The following HEMGN variants were observed in gnomAD, a reference collection of about 807,000 sequenced individuals.
The protein encoded by HEMGN is hemogen.
A neutral mutation model predicts 45.7 loss-of-function variants in HEMGN; 32 were observed. That is an observed-to-expected ratio of 0.70 (90% CI 0.53 to 0.94). The LOEUF is 0.94. Among genes scored for constraint, HEMGN ranks in the 40% least tolerant of loss-of-function variants. The probability of loss-of-function intolerance (pLI) is 0.00; values close to 1 mark genes in which losing one functional copy is unlikely to be tolerated. For missense variants in HEMGN, 530 were observed against 564.2 expected, an observed-to-expected ratio of 0.94 and a Z score of 0.61; for synonymous variants, 183 against 178.6, an observed-to-expected ratio of 1.02 and a Z score of -0.20.
In HEMGN at chr9:97,930,627, G is replaced by A; in HGVS notation, c.768C>T (p.Cys256=). The A allele has an allele frequency of 6.2e-7, 1 of 1,614,130 alleles. No homozygotes were observed. Among genetic ancestry groups the A allele is most frequent in the Middle Eastern group, 1.6e-4 (1 of 6,062 alleles). ...TSEDTADLAG[C]SLQAYPKPDV... ...CTGGTTTTGGATATGCTTGAAGAGAGCATCCTGCCAGATCAGCTGTGTCTT... is the reference window on the plus strand; with the variant it reads ...CTGGTTTTGGATATGCTTGAAGAGAACATCCTGCCAGATCAGCTGTGTCTT... Residue 256 remains cysteine, a synonymous_variant, in exon 3 of 4, where the codon TGC becomes TGT. Coordinates refer to ENST00000616898, the MANE Select transcript of HEMGN (RefSeq NM_197978.3).
upstream of HEMGN, among the ~76,000 whole-genome samples, chr9:97,942,984 T>C (rs1827174265): frequency 6.6e-6 from 1 of 152,166 alleles, no homozygotes; most frequent in Non-Finnish European, 1.5e-5. Context: ...GTGAAGACCA[T>C]ATTATATGAA....
chr9:97,940,697 CT>C (rs369431723), upstream of HEMGN, among the ~76,000 whole-genome samples: 392 of 152,290 alleles, frequency 2.6e-3, 12 homozygotes, highest in South Asian at 0.078. Context: ...CTGCCTTGTT[CT>C]AGAGTTATTT....
At position 97,930,173 on chromosome 9, in the gene HEMGN, G is replaced by A. The variant is rs1334999361; in HGVS notation, c.1222C>T (p.Leu408Phe). 2 of 1,614,090 alleles carry A rather than the reference G, an allele frequency of 1.2e-6. No individual in the cohort carries two copies. The highest frequency in any genetic ancestry group is 1.7e-6 in the Non-Finnish European group (2 of 1,180,000). Reference sequence around the variant, plus strand: ...TTATTTTTATATGTCTCAGTAGAGAGGTCTTCAGGCCCCGGTGTTTCTTGG... The same window carrying A: ...TTATTTTTATATGTCTCAGTAGAGAAGTCTTCAGGCCCCGGTGTTTCTTGG... ...IYQETPGPED[L>F]STETYKNKDV... The change falls in exon 3 of 4, where the codon CTC (leucine) becomes TTC (phenylalanine). Residue 408 changes from leucine (L) to phenylalanine (F), a missense_variant. Leu to Phe is a conservative substitution (Grantham distance 22). Coordinates refer to ENST00000616898, the MANE Select transcript of HEMGN (RefSeq NM_197978.3).
chr9:97,944,415 G>A (rs890126561), intron 1 of HEMGN, among the ~76,000 whole-genome samples: 1 of 152,124 alleles, frequency 6.6e-6, no homozygotes, highest in Non-Finnish European at 1.5e-5. Flanking sequence ...AGTTCTGCCA[G>A]TTCTTTCTTC....
At chr9:97,944,127 T>C (rs1023658670) in intron 1 of HEMGN, among the ~76,000 whole-genome samples, 3 of 152,234 alleles carry the variant, frequency 2.0e-5, no homozygotes, top group Non-Finnish European at 2.9e-5. Context: ...TATATACTTT[T>C]AGCTACTACC....
chr9:97,936,526 A>G (rs1827064013), intron 1 of HEMGN, among the ~76,000 whole-genome samples: 1 of 152,214 alleles, frequency 6.6e-6, no homozygotes, highest in Admixed American at 6.5e-5. Context: ...AATTTCTTCA[A>G]AGTAATTTTA....
rs761855887 is a variant in HEMGN at position 97,927,489 on chromosome 9, A to C, written c.1361-11T>G. ...GTTTTTCTTTCATTTCTGTAAAATC[A>C]AATAAAATAAAAAATAGATTCAATA... On this transcript the variant is annotated splice_polypyrimidine_tract_variant and intron_variant, in intron 3 of 3. Coordinates refer to ENST00000616898, the MANE Select transcript of HEMGN (RefSeq NM_197978.3). 3.9e-6 allele frequency: 6 copies of C among 1,526,942 alleles called. No homozygotes were observed. The East Asian group carries it at 1.4e-4, about 34-fold the overall frequency. 94.6% of individuals were successfully genotyped at this position (1,526,942 alleles called of 1,614,324 possible).
upstream of HEMGN, among the ~76,000 whole-genome samples, chr9:97,941,072 A>G (rs1443032188): frequency 1.3e-5 from 2 of 152,180 alleles, no homozygotes; most frequent in African/African-American, 4.8e-5. Flanking sequence ...AAGGAAATAA[A>G]TAAAATATAT....
chr9:97,938,212 C>A, upstream of HEMGN: 2 of 902,540 alleles, frequency 2.2e-6, no homozygotes, highest in South Asian at 1.4e-5. Context: ...ATATCAAAAA[C>A]ATCTAACACT....
chr9:97,932,638 T>C (rs1382559805), intron 2 of HEMGN, among the ~76,000 whole-genome samples: 1 of 152,014 alleles, frequency 6.6e-6, no homozygotes, highest in African/African-American at 2.4e-5. Flanking sequence ...ACCCCGTCTC[T>C]ACTAAAAATA....
chr9:97,937,975 T>G (rs78039608), intron 1 of HEMGN, 83 bp downstream of exon 1: 1 of 665,316 alleles, frequency 1.5e-6, no homozygotes, highest in Non-Finnish European at 2.5e-6. Context: ...TTTTTTTTTT[T>G]GGCCAGATCC....
intron 2 of HEMGN, among the ~76,000 whole-genome samples, chr9:97,932,152 C>G (rs957820602): frequency 6.6e-6 from 1 of 152,172 alleles, no homozygotes; most frequent in Non-Finnish European, 1.5e-5. Flanking sequence ...ATTGGGTGTA[C>G]CATGCTAAAG....
Position 97,936,138 on chromosome 9 carries a change from A to G in HEMGN, c.173+33T>C, listed in dbSNP as rs952878463. 4 of 1,342,178 alleles carry G rather than the reference A, an allele frequency of 3.0e-6. No homozygotes were observed. In the African/African-American group the frequency reaches 5.7e-5, roughly 19 times the overall value. 83.1% of individuals were successfully genotyped at this position (1,342,178 alleles called of 1,614,324 possible). A position where few individuals can be genotyped will look rare whatever the true frequency, so the allele number is the denominator to read the frequency against. Reference sequence around the variant, plus strand: ...TATGCATAACATCCTCAATAAATATATTAGTTCCCTTTCCCTTGTGATGCT... The same window carrying G: ...TATGCATAACATCCTCAATAAATATGTTAGTTCCCTTTCCCTTGTGATGCT... On this transcript the variant is annotated intron_variant, in intron 2 of 3. Transcript: ENST00000616898.
upstream of HEMGN, among the ~76,000 whole-genome samples, chr9:97,940,757 A>C (rs1163587618): frequency 1.3e-5 from 2 of 152,182 alleles, no homozygotes; most frequent in Non-Finnish European, 2.9e-5. Flanking sequence ...TAGAGAGCAG[A>C]TACAGCTCCT....
rs1484555914 is a variant in HEMGN, at chr9:97,929,127, T to C, written c.1360+908A>G. On this transcript the variant is annotated intron_variant, in intron 3 of 3. Transcript: ENST00000616898. ...TTGACCATATCGACCTTGCTGGGTT[T>C]AGAATGAAGCAGTTAGGAATCAGGA... 5.9e-5 allele frequency among the ~76,000 whole-genome samples: 9 copies of C among 152,216 alleles called. No individual in the cohort carries two copies. The East Asian group carries it at 1.5e-3, about 26-fold the overall frequency.
rs1826929399 is a variant in HEMGN at position 97,930,646 on chromosome 9, G to GT, written c.748dup (p.Thr250AsnfsTer3). On this transcript the variant is annotated frameshift_variant, in exon 3 of 4. Transcript: ENST00000616898. LOFTEE classifies it high-confidence loss of function. ...AAGAGAGCATCCTGCCAGATCAGCT[G>GT]TGTCTTCAGATGTTGGACAAGGAAG... 1 of 1,614,042 alleles carries GT rather than the reference G, an allele frequency of 6.2e-7. No individual in the cohort carries two copies. The highest frequency in any genetic ancestry group is 8.5e-7 in the Non-Finnish European group (1 of 1,180,006).
At chr9:97,935,900 A>G (rs1471865282) in intron 2 of HEMGN, among the ~76,000 whole-genome samples, 1 of 152,202 alleles carries the variant, frequency 6.6e-6, no homozygotes, top group Non-Finnish European at 1.5e-5. Context: ...GCTTCTCTAC[A>G]ATATAATTCG....
chr9:97,928,065 C>G (rs1193995891), intron 3 of HEMGN, among the ~76,000 whole-genome samples: 1 of 143,368 alleles, frequency 7.0e-6, no homozygotes, highest in Admixed American at 7.2e-5. Context: ...CTCGCTCTGT[C>G]GCCCAGGCTG....
At chr9:97,937,985 C>A in intron 1 of HEMGN, 73 bp downstream of exon 1, 1 of 778,298 alleles carries the variant, frequency 1.3e-6, no homozygotes. Flanking sequence ...TGGCCAGATC[C>A]ATTGAAAAGA....
Sources: allele counts gnomAD v4.1 joint callset (sites outside exome capture counted in the v4.1 genomes callset), GRCh38; gene constraint gnomAD v4.1.1; transcripts MANE v1.5; gene names NCBI Gene and HGNC (gene_info 2026-07-23, HGNC 2026-07-21).